Variants in ANKRD36 observed in about 807,000 individuals in gnomAD.
ANKRD36 encodes ankyrin repeat domain 36.
Under a neutral mutation model 278.1 loss-of-function variants are expected in ANKRD36, and 179 were observed. That is an observed-to-expected ratio of 0.64 (90% CI 0.57 to 0.73). The LOEUF (loss-of-function observed/expected upper bound fraction) is 0.73, where lower values mean the gene tolerates loss of function less well. ANKRD36 is among the 30% of genes least tolerant of loss of function. The pLI is 0.00. For synonymous variants in ANKRD36, 320 were observed against 641.1 expected (o/e 0.50, Z 7.57); for missense variants, 1,159 against 1,956.7 (o/e 0.59, Z 7.69).
chr2:97,153,964 G>A (rs2046784176), intron 14 of ANKRD36, among the ~76,000 whole-genome samples: 1 of 148,264 alleles, frequency 6.7e-6, no homozygotes, highest in Admixed American at 6.7e-5. Flanking sequence ...GCTGGTTTTT[G>A]TGGACCTGAA....
chr2:97,202,193 GC>G lies in ANKRD36; in HGVS notation c.2858-8del, dbSNP rs1490597615. The G allele has an allele frequency of 1.9e-6, 3 of 1,609,236 alleles. No homozygotes were observed. In the African/African-American group the frequency reaches 4.0e-5, roughly 22 times the overall value. On this transcript the variant is annotated splice_polypyrimidine_tract_variant and splice_region_variant and intron_variant, in intron 46 of 75. Coordinates refer to ENST00000420699, the MANE Select transcript of ANKRD36 (RefSeq NM_001354587.1). ...GTATGACTGATTATGAATCCCTTTTGCTTTTCAGTGTCTTCTCAGAAACCAC... is the reference window on the plus strand; with the variant it reads ...GTATGACTGATTATGAATCCCTTTTGTTTTCAGTGTCTTCTCAGAAACCAC...
intron 72 of ANKRD36, chr2:97,248,170 TG>T (rs1324347929): frequency 7.0e-6 from 1 of 143,870 alleles, no homozygotes; most frequent in African/African-American, 2.6e-5. Flanking sequence ...TTTATTTCGA[TG>T]AAAATCCTTA....
intron 66 of ANKRD36, among the ~76,000 whole-genome samples, chr2:97,224,452 G>GT (rs199810806): frequency 0.15 from 19,786 of 136,348 alleles, 2,553 homozygotes; most frequent in South Asian, 0.58. Flanking sequence ...TTGTTTTTTT[G>GT]TTTTTTTTTT....
At chr2:97,214,007 C>G (rs1483009440) in intron 60 of ANKRD36, among the ~76,000 whole-genome samples, 2 of 151,620 alleles carry the variant, frequency 1.3e-5, no homozygotes, top group Non-Finnish European at 2.9e-5. Flanking sequence ...ATCCTAATAA[C>G]CTGTAGACGC....
At chr2:97,177,337 C>G (rs1002161999) in intron 22 of ANKRD36, among the ~76,000 whole-genome samples, 1 of 151,822 alleles carries the variant, frequency 6.6e-6, no homozygotes, top group Non-Finnish European at 1.5e-5. Flanking sequence ...CTTTAAAGTT[C>G]ATATAGAACC....
intron 28 of ANKRD36, among the ~76,000 whole-genome samples, chr2:97,184,542 T>A (rs2056975508): frequency 6.6e-6 from 1 of 151,776 alleles, no homozygotes; most frequent in African/African-American, 2.4e-5. Context: ...TTTCAGTGAA[T>A]ATTGGACTGA....
chr2:97,140,687 A>G (rs1312741146), intron 6 of ANKRD36, among the ~76,000 whole-genome samples: 2 of 152,070 alleles, frequency 1.3e-5, no homozygotes, highest in Non-Finnish European at 2.9e-5. Context: ...TACATTTAAC[A>G]TTTTAATAAA....
chr2:97,228,459 A>T (rs1457872131), intron 67 of ANKRD36, among the ~76,000 whole-genome samples: 1 of 152,082 alleles, frequency 6.6e-6, no homozygotes, highest in Non-Finnish European at 1.5e-5. Context: ...GGTAGTTTGT[A>T]TTTCTGTGGG....
At chr2:97,217,746 A>G (rs543911354) in intron 64 of ANKRD36, among the ~76,000 whole-genome samples, 1 of 151,990 alleles carries the variant, frequency 6.6e-6, no homozygotes, top group African/African-American at 2.4e-5. Flanking sequence ...GGTACTACTT[A>G]AACCAGAGGG....
chr2:97,139,622 A>G (rs1439233406), intron 6 of ANKRD36, among the ~76,000 whole-genome samples: 9 of 152,094 alleles, frequency 5.9e-5, no homozygotes, highest in Non-Finnish European at 8.8e-5. Flanking sequence ...CAGCATGGAT[A>G]TGCTTATGTG....
At chr2:97,138,447 A>G (rs972096035) in intron 6 of ANKRD36, among the ~76,000 whole-genome samples, 63 of 152,122 alleles carry the variant, frequency 4.1e-4, no homozygotes, top group Non-Finnish European at 1.5e-4. Flanking sequence ...ACACAAACAA[A>G]TGGAAAAACA....
At chr2:97,228,167 G>C (rs1409731449) in intron 67 of ANKRD36, among the ~76,000 whole-genome samples, 1 of 152,104 alleles carries the variant, frequency 6.6e-6, no homozygotes, top group Non-Finnish European at 1.5e-5. Flanking sequence ...AGTTAGGGAG[G>C]GTTCCCTCTT....
intron 54 of ANKRD36, among the ~76,000 whole-genome samples, chr2:97,208,235 T>C (rs1413843972): frequency 6.8e-6 from 1 of 146,676 alleles, no homozygotes. Context: ...AGAAGAATTA[T>C]GGAGAGCAGT....
Position 97,179,987 on chromosome 2 carries a change from T to A in ANKRD36, c.1735+54T>A, listed in dbSNP as rs1421562696. 2.5e-6 allele frequency: 4 copies of A among 1,598,448 alleles called. No homozygotes were observed. In the African/African-American group the frequency reaches 4.0e-5, roughly 16 times the overall value. The stretch of plus-strand genomic sequence containing the variant: ...TGTTCAATCAAGATGGAAGAGAACT[T>A]CCCTTACCCAAATAAATCAGTGGGG... On this transcript the variant is annotated intron_variant, in intron 24 of 75. Coordinates refer to ENST00000420699, the MANE Select transcript of ANKRD36 (RefSeq NM_001354587.1).
rs574132135 is a variant in ANKRD36 at position 97,130,588 on chromosome 2, GAAA to G, written c.799+3463_799+3465del. On this transcript the variant is annotated intron_variant, in intron 6 of 75. Transcript: ENST00000420699. ...TTGTGCACATGTACCCTAAAAGTAT[GAAA>G]AAAAAAAAGAAGTAGCCTACATACG... 2.8e-5 allele frequency among the ~76,000 whole-genome samples: 4 copies of G among 143,926 alleles called. No homozygotes were observed. In the South Asian group the frequency reaches 8.9e-4, roughly 32 times the overall value. The allele number at this position is 143,926 out of a possible 152,430, so 94.4% of individuals were successfully genotyped here.
At position 97,118,372 on chromosome 2, in the gene ANKRD36, C is replaced by G. The variant is rs753739021; in HGVS notation, c.341C>G (p.Ala114Gly). ...KAVQLRQEACATLLLQNGANP... is the reference protein window; with the variant it reads ...KAVQLRQEACGTLLLQNGANP... ...GTACAACTGAGGCAGGAGGCTTGTG[C>G]AACTCTTCTGCTGCAAAATGGCGCC... The change falls in exon 3 of 76, where the codon GCA becomes GGA. Residue 114 changes from alanine to glycine, a missense_variant. Physicochemically the swap from Ala to Gly is moderately conservative, Grantham distance 60. Transcript: ENST00000420699. 1.1e-5 allele frequency: 18 copies of G among 1,609,640 alleles called. No homozygotes were observed. The Admixed American group carries it at 3.0e-4, about 27-fold the overall frequency.
chr2:97,210,273 G>C (rs1971209), intron 56 of ANKRD36, among the ~76,000 whole-genome samples: 130,920 of 151,792 alleles, frequency 0.86, 57,951 homozygotes, highest in African/African-American at 0.95. Flanking sequence ...CCCGTGTACA[G>C]TGTAGGAGAA....
chr2:97,208,935 T>C (rs1227699380), intron 54 of ANKRD36, among the ~76,000 whole-genome samples: 1 of 146,812 alleles, frequency 6.8e-6, no homozygotes, highest in Non-Finnish European at 1.5e-5. Flanking sequence ...TAATATCTAA[T>C]GCTTGTAGCC....
chr2:97,137,563 AG>A (rs2041843394), intron 6 of ANKRD36, among the ~76,000 whole-genome samples: 1 of 145,794 alleles, frequency 6.9e-6, no homozygotes, highest in Non-Finnish European at 1.5e-5. Flanking sequence ...CTGAGATTAC[AG>A]GAACAAGCCA....
Sources: gnomAD v4.1 joint callset for allele counts (sites outside exome capture counted in the v4.1 genomes callset) on GRCh38, gnomAD v4.1.1 for gene constraint, MANE v1.5 for transcripts, NCBI Gene and HGNC (gene_info 2026-07-23, HGNC 2026-07-21) for gene names.